The following TENM4 variants were observed in gnomAD, a reference collection of about 807,000 sequenced individuals.
TENM4 encodes teneurin-4.
Under a neutral mutation model 243.3 loss-of-function variants are expected in TENM4, and 82 were observed. That is an observed-to-expected ratio of 0.34 (90% CI 0.28 to 0.40). The LOEUF is 0.40. TENM4 is among the 10% of genes least tolerant of loss of function. The pLI is 1.00. For synonymous variants in TENM4, 1,412 were observed against 1,456.3 expected, an observed-to-expected ratio of 0.97 and a Z score of 0.69; for missense variants, 3,138 against 3,673.3, an observed-to-expected ratio of 0.85 and a Z score of 3.77.
chr11:78,856,315 C>T (rs917829268), intron 10 of TENM4, 137 bp from the exon 11 acceptor site: 7 of 741,472 alleles, frequency 9.4e-6, no homozygotes, highest in South Asian at 1.9e-5. Flanking sequence ...CAGCTTCCTC[C>T]CCACCCTGGC....
intron 28 of TENM4, among the ~76,000 whole-genome samples, chr11:78,689,162 G>A (rs936466699): frequency 1.3e-5 from 2 of 152,190 alleles, no homozygotes; most frequent in African/African-American, 2.4e-5. Flanking sequence ...CTAATTAAGT[G>A]TGGGTAGAAT....
chr11:79,092,483 T>C (rs963572878), intron 4 of TENM4, among the ~76,000 whole-genome samples: 3 of 152,194 alleles, frequency 2.0e-5, no homozygotes, highest in Non-Finnish European at 4.4e-5. Context: ...CCCCATCACA[T>C]CCTGGCCATC....
At chr11:79,151,075 C>T (rs543852097) in intron 3 of TENM4, among the ~76,000 whole-genome samples, 32 of 152,326 alleles carry the variant, frequency 2.1e-4, no homozygotes, top group Middle Eastern at 3.4e-3. Flanking sequence ...ACTACATTAA[C>T]TCATCCTGCC....
chr11:79,194,585 T>C (rs963929940), intron 3 of TENM4, among the ~76,000 whole-genome samples: 3 of 152,144 alleles, frequency 2.0e-5, no homozygotes, highest in Non-Finnish European at 4.4e-5. Flanking sequence ...ACTGGAATCA[T>C]ATTGCCCCTG....
At chr11:79,140,797 T>C (rs897622663) in intron 4 of TENM4, among the ~76,000 whole-genome samples, 19 of 152,268 alleles carry the variant, frequency 1.2e-4, no homozygotes, top group African/African-American at 4.6e-4. Context: ...GGCATGACAG[T>C]CGTCTTCCAC....
chr11:79,184,562 G>T (rs188299897), intron 3 of TENM4, among the ~76,000 whole-genome samples: 46 of 151,674 alleles, frequency 3.0e-4, no homozygotes, highest in Admixed American at 2.7e-3. Flanking sequence ...TGGAGGTTAG[G>T]GGGGGTGGGA....
intron 6 of TENM4, among the ~76,000 whole-genome samples, chr11:79,031,055 C>T (rs1021411231): frequency 6.6e-6 from 1 of 152,104 alleles, no homozygotes; most frequent in Admixed American, 6.5e-5. Flanking sequence ...CCTGTCCCTC[C>T]CACTGCATTG....
chr11:79,340,683 T>G (rs997594744), intron 1 of TENM4, among the ~76,000 whole-genome samples: 1 of 152,186 alleles, frequency 6.6e-6, no homozygotes, highest in Admixed American at 6.5e-5. Context: ...TTTCCTTCTA[T>G]GCCTTGGTGC....
chr11:78,958,689 G>A (rs1857257199), intron 6 of TENM4, among the ~76,000 whole-genome samples: 1 of 152,182 alleles, frequency 6.6e-6, no homozygotes, highest in Non-Finnish European at 1.5e-5. Flanking sequence ...AGGGCCTCTG[G>A]GGTGATGCTG....
intron 12 of TENM4, among the ~76,000 whole-genome samples, chr11:78,840,783 G>A (rs1011230922): frequency 5.3e-5 from 8 of 152,168 alleles, no homozygotes; most frequent in Admixed American, 4.6e-4. Flanking sequence ...GTACTGACTT[G>A]GGAGGGGCCC....
At chr11:79,215,653 A>T (rs1864037907) in intron 3 of TENM4, among the ~76,000 whole-genome samples, 155 bp downstream of exon 3, 1 of 151,954 alleles carries the variant, frequency 6.6e-6, no homozygotes, top group Non-Finnish European at 1.5e-5. Flanking sequence ...GGCTACCTTT[A>T]CTCTGGCCAG....
At chr11:79,135,742 C>CAT (rs1280724558) in intron 4 of TENM4, among the ~76,000 whole-genome samples, 3,516 of 136,656 alleles carry the variant, frequency 0.026, 106 homozygotes, top group East Asian at 0.086. Flanking sequence ...ATATATACAT[C>CAT]ATATATACAT....
chr11:78,848,114 A>G (rs764142289), intron 12 of TENM4, among the ~76,000 whole-genome samples: 2 of 151,376 alleles, frequency 1.3e-5, no homozygotes, highest in Non-Finnish European at 2.9e-5. Context: ...TCATTGAACA[A>G]GTCCTTTGTC....
At chr11:78,661,665 C>T in intron 32 of TENM4, 74 bp from the exon 33 acceptor site, 2 of 1,558,810 alleles carry the variant, frequency 1.3e-6, no homozygotes, top group Non-Finnish European at 1.7e-6. Flanking sequence ...CATCTCACAG[C>T]CTACAGTTAG....
intron 14 of TENM4, among the ~76,000 whole-genome samples, chr11:78,807,891 A>G (rs1857423582): frequency 6.6e-6 from 1 of 152,206 alleles, no homozygotes; most frequent in Non-Finnish European, 1.5e-5. Context: ...CTTCCCATCT[A>G]TAAAGCAGGT....
chr11:78,802,174 A>T (rs1419386798), intron 15 of TENM4, among the ~76,000 whole-genome samples: 2 of 152,156 alleles, frequency 1.3e-5, no homozygotes, highest in Non-Finnish European at 2.9e-5. Flanking sequence ...CACTGCAAAA[A>T]CTCAATAGCT....
In TENM4 at chr11:79,375,565, C is replaced by T. The variant is rs1233720323; in HGVS notation, c.-321+64944G>A. Among the ~76,000 whole-genome samples, 3 of 152,140 alleles carry T rather than the reference C, an allele frequency of 2.0e-5. 1 individual carries two copies. Among genetic ancestry groups the T allele is most frequent in the South Asian group, 4.1e-4 (2 of 4,830 alleles). ...TATCCTCCTGTTAAGTATTTTACTT[C>T]TGAAATTTTATTTGATTTTGTTATT... On this transcript the variant is annotated intron_variant, in intron 1 of 33. Transcript: ENST00000278550.
intron 26 of TENM4, among the ~76,000 whole-genome samples, chr11:78,711,215 T>C (rs1435927330): frequency 6.6e-6 from 1 of 152,226 alleles, no homozygotes; most frequent in South Asian, 2.1e-4. Flanking sequence ...ACTCCAGGTA[T>C]GTGGTAGAGA....
intron 6 of TENM4, among the ~76,000 whole-genome samples, chr11:78,973,336 T>G (rs886717863): frequency 6.6e-6 from 1 of 152,248 alleles, no homozygotes; most frequent in Non-Finnish European, 1.5e-5. Context: ...TTGTCAACAC[T>G]TGTTATTATC....
Sources: allele counts gnomAD v4.1 joint callset (sites outside exome capture counted in the v4.1 genomes callset), GRCh38; gene constraint gnomAD v4.1.1; transcripts MANE v1.5; gene names NCBI Gene and HGNC (gene_info 2026-07-23, HGNC 2026-07-21).